Variants in MACC1 observed in about 807,000 individuals in gnomAD.
MACC1 encodes the protein metastasis-associated in colon cancer protein 1.
In MACC1, 79 loss-of-function variants were observed where a neutral mutation model predicts 70.7. That is an observed-to-expected ratio of 1.12 (90% CI 0.93 to 1.35). MACC1 has a LOEUF of 1.35. MACC1 is among the 40% of genes most tolerant of loss of function. The probability of loss-of-function intolerance (pLI) is 0.00; values close to 1 mark genes in which losing one functional copy is unlikely to be tolerated. For synonymous variants in MACC1, 361 were observed against 347.2 expected, an observed-to-expected ratio of 1.04 and a Z score of -0.44; for missense variants, 1,106 against 978.1, an observed-to-expected ratio of 1.13 and a Z score of -1.74.
intron 2 of MACC1, among the ~76,000 whole-genome samples, chr7:20,165,402 C>T (rs954095536): frequency 6.6e-6 from 1 of 152,088 alleles, no homozygotes; most frequent in Non-Finnish European, 1.5e-5. Context: ...AATGGTTTCC[C>T]TAGCCACTCT....
In MACC1 at chr7:20,169,637, G is replaced by A. The variant is rs56380848; in HGVS notation, c.-153+1077C>T. 2.8e-3 allele frequency among the ~76,000 whole-genome samples: 431 copies of A among 152,270 alleles called. 1 individual carries two copies. The highest frequency in any genetic ancestry group is 0.01 in the Middle Eastern group (3 of 294). On this transcript the variant is annotated intron_variant, in intron 2 of 6. Coordinates refer to ENST00000400331, the MANE Select transcript of MACC1 (RefSeq NM_182762.4). Reference sequence around the variant, plus strand: ...CAGCAATGTCTTTCCTTTCTTTTATGTAAATGCATTTTTGTAAAGTAGAAA... The same window carrying A: ...CAGCAATGTCTTTCCTTTCTTTTATATAAATGCATTTTTGTAAAGTAGAAA...
intron 1 of MACC1, among the ~76,000 whole-genome samples, chr7:20,186,445 T>C (rs1248324392): frequency 1.3e-5 from 2 of 152,174 alleles, no homozygotes; most frequent in Non-Finnish European, 1.5e-5. Context: ...TGTATGGCTT[T>C]TGTCATAATA....
chr7:20,193,203 A>T (rs536135515), intron 1 of MACC1, among the ~76,000 whole-genome samples: 55 of 152,348 alleles, frequency 3.6e-4, no homozygotes, highest in African/African-American at 1.1e-3. Flanking sequence ...AGAATCATAT[A>T]TAATAGAAAA....
chr7:20,154,273 T>G lies in MACC1; in HGVS notation c.2266A>C (p.Lys756Gln). The G allele has an allele frequency of 6.2e-7, 1 of 1,614,002 alleles. No homozygotes were observed. Among genetic ancestry groups the G allele is most frequent in the Non-Finnish European group, 8.5e-7 (1 of 1,179,924 alleles). ...LGKGWRELAEKLVRLTKQQME... is the reference protein window; with the variant it reads ...LGKGWRELAEQLVRLTKQQME... ...TGTTGCTTTGTGAGTCGTACTAACT[T>G]TTCAGCTAGTTCCCTCCAGCCTTTT... is the stretch of plus-strand genomic sequence containing the variant. Residue 756 changes from lysine to glutamine, a missense_variant, in exon 6 of 7, where the codon AAG (lysine) becomes CAG (glutamine). Physicochemically the swap from Lys to Gln is moderately conservative, Grantham distance 53. Transcript: ENST00000400331.
At chr7:20,169,592 C>T (rs1250624537) in intron 2 of MACC1, among the ~76,000 whole-genome samples, 1 of 152,166 alleles carries the variant, frequency 6.6e-6, no homozygotes, top group Non-Finnish European at 1.5e-5. Context: ...TATCAGGAGA[C>T]CTCACTGGTT....
rs375079697 is a variant in MACC1, at chr7:20,159,397, C to T, written c.964G>A (p.Val322Ile). Residue 322 changes from valine (V) to isoleucine (I), a missense_variant, in exon 5 of 7, where the codon GTT becomes ATT. Transcript: ENST00000400331. Reference sequence around the variant, plus strand: ...TTATAAATGTAGCAGTTGCTTAAAACTTTAAAAGGGCCTTCTTTACCCAAG... The same window carrying T: ...TTATAAATGTAGCAGTTGCTTAAAATTTTAAAAGGGCCTTCTTTACCCAAG... ...HSLGKEGPFK[V>I]LSNCYIYKDT... 3 of 1,613,906 alleles carry T rather than the reference C, an allele frequency of 1.9e-6. No homozygotes were observed. Among genetic ancestry groups the T allele is most frequent in the African/African-American group, 2.7e-5 (2 of 74,910 alleles).
At chr7:20,153,334 C>A (rs1401313427) in intron 6 of MACC1, 1 of 152,154 alleles carries the variant, frequency 6.6e-6, no homozygotes, top group African/African-American at 2.4e-5. Flanking sequence ...AAAATTAATA[C>A]CCAGATCTAC....
chr7:20,191,100 T>C (rs3095013), intron 1 of MACC1, among the ~76,000 whole-genome samples: 50,142 of 152,056 alleles, frequency 0.33, 9,549 homozygotes, highest in East Asian at 0.82. Context: ...GCACCTACTC[T>C]ATCACTCCGA....
chr7:20,154,439 T>A (rs1475421261), intron 5 of MACC1, 58 bp from the exon 6 acceptor site: 21 of 1,503,346 alleles, frequency 1.4e-5, no homozygotes, highest in Non-Finnish European at 1.9e-5. Flanking sequence ...TTTCTCTCTA[T>A]AAATTGGAAT....
At chr7:20,168,736 G>A (rs905461244) in intron 2 of MACC1, among the ~76,000 whole-genome samples, 9 of 152,136 alleles carry the variant, frequency 5.9e-5, no homozygotes, top group Non-Finnish European at 2.9e-5. Flanking sequence ...AAGCACACAT[G>A]TCAGGTTACA....
chr7:20,141,894 G>C (rs1307350407), intron 6 of MACC1: 1 of 151,692 alleles, frequency 6.6e-6, no homozygotes, highest in Admixed American at 6.6e-5. Context: ...GGAGAATAGA[G>C]ACAAAGGCAG....
chr7:20,138,791 G>C lies in MACC1; in HGVS notation c.*2155C>G, dbSNP rs529735702. 6.6e-6 allele frequency: 1 copy of C among 151,880 alleles called. No individual in the cohort carries two copies. Among genetic ancestry groups the C allele is most frequent in the East Asian group, 1.9e-4 (1 of 5,142 alleles). 9.4% of individuals were successfully genotyped at this position (151,880 alleles called of 1,614,324 possible). ...GGGTTCACGCCATTCTCCTGCCTCA[G>C]CCTCCTGAGTAGCTGGGACTACAGG... On this transcript the variant is annotated 3_prime_UTR_variant, in exon 7 of 7. Transcript: ENST00000400331.
At chr7:20,197,116 C>G (rs567694644) in intron 1 of MACC1, among the ~76,000 whole-genome samples, 23 of 152,286 alleles carry the variant, frequency 1.5e-4, no homozygotes, top group African/African-American at 5.1e-4. Flanking sequence ...ATAGAAAGGT[C>G]CATCCCAATG....
chr7:20,154,410 A>G, intron 5 of MACC1, 29 bp from the exon 6 acceptor site: 1 of 1,597,528 alleles, frequency 6.3e-7, no homozygotes, highest in Non-Finnish European at 8.5e-7. Flanking sequence ...GTCACAATTA[A>G]AAGCAACTAA....
chr7:20,175,642 A>G (rs1356655719), intron 1 of MACC1, among the ~76,000 whole-genome samples: 1 of 152,130 alleles, frequency 6.6e-6, no homozygotes, highest in Non-Finnish European at 1.5e-5. Flanking sequence ...ACTGGTAAAT[A>G]ACCAAGAAAA....
At chr7:20,161,443 TG>T (rs1488083199) in intron 4 of MACC1, among the ~76,000 whole-genome samples, 2 of 152,046 alleles carry the variant, frequency 1.3e-5, no homozygotes, top group Non-Finnish European at 2.9e-5. Flanking sequence ...GTTAATTTTT[TG>T]ATGCTCCATG....
chr7:20,199,898 T>C (rs1290056456), intron 1 of MACC1, among the ~76,000 whole-genome samples: 2 of 151,862 alleles, frequency 1.3e-5, no homozygotes, highest in Non-Finnish European at 2.9e-5. Context: ...AAGTAGTGAG[T>C]TATACATGCT....
Position 20,159,413 on chromosome 7 carries a change from T to C in MACC1, c.948A>G (p.Lys316=). Residue 316 remains lysine, a synonymous_variant, in exon 5 of 7, where the codon AAA becomes AAG. Coordinates refer to ENST00000400331, the MANE Select transcript of MACC1 (RefSeq NM_182762.4). ...TEMVCLHSLG[K]EGPFKVLSNC... The stretch of plus-strand genomic sequence containing the variant: ...TGCTTAAAACTTTAAAAGGGCCTTC[T>C]TTACCCAAGCTGTGTAAACACACCA... 3.1e-6 allele frequency: 5 copies of C among 1,614,024 alleles called. No homozygotes were observed. Among genetic ancestry groups the C allele is most frequent in the Non-Finnish European group, 4.2e-6 (5 of 1,180,008 alleles).
intron 1 of MACC1, among the ~76,000 whole-genome samples, chr7:20,190,868 C>G (rs140054811): frequency 1.2e-4 from 18 of 152,320 alleles, no homozygotes; most frequent in African/African-American, 4.3e-4. Flanking sequence ...TGTTTGCTTT[C>G]TGTTTTGTAA....
Sources: gnomAD v4.1 joint callset for allele counts (sites outside exome capture counted in the v4.1 genomes callset) on GRCh38, gnomAD v4.1.1 for gene constraint, MANE v1.5 for transcripts, NCBI Gene and HGNC (gene_info 2026-07-23, HGNC 2026-07-21) for gene names.